TNN: variants seen among roughly 807,000 people sequenced by gnomAD.
TNN encodes tenascin-N.
A neutral mutation model predicts 134.4 loss-of-function variants in TNN; 122 were observed. That is an observed-to-expected ratio of 0.91 (90% CI 0.78 to 1.06). TNN has a LOEUF of 1.06. TNN is among the 50% of genes least tolerant of loss of function. TNN has a pLI of 0.00. For missense variants in TNN, 1,739 were observed against 1,699.4 expected, an observed-to-expected ratio of 1.02 and a Z score of -0.41; for synonymous variants, 710 against 670.3, an observed-to-expected ratio of 1.06 and a Z score of -0.91.
intron 17 of TNN, among the ~76,000 whole-genome samples, chr1:175,139,146 C>T (rs1675888418): frequency 6.6e-6 from 1 of 152,226 alleles, no homozygotes; most frequent in African/African-American, 2.4e-5. Context: ...TTTAGGCACA[C>T]TGCCCTTCGG....
rs937283282 is a variant in TNN at position 175,106,042 on chromosome 1, C to A, written c.2119+7447C>A. Among the ~76,000 whole-genome samples the A allele has an allele frequency of 1.4e-5, 2 of 145,604 alleles. 1 individual carries two copies. Reference sequence around the variant, plus strand: ...GACCACATGGAGGACCGAGGAAGGTCGGATTTAGTGGTCCTTACTGACGCA... The same window carrying A: ...GACCACATGGAGGACCGAGGAAGGTAGGATTTAGTGGTCCTTACTGACGCA... On this transcript the variant is annotated intron_variant, in intron 9 of 18. Coordinates refer to ENST00000239462, the MANE Select transcript of TNN (RefSeq NM_022093.2).
intron 12 of TNN, among the ~76,000 whole-genome samples, chr1:175,125,703 C>CTT (rs66718246): frequency 0.052 from 3,459 of 66,330 alleles, 96 homozygotes; most frequent in Non-Finnish European, 0.067. Context: ...TCTTTTTTCT[C>CTT]TCTTTCTTTC....
At chr1:175,130,224 A>C (rs920707511) in intron 15 of TNN, among the ~76,000 whole-genome samples, 1 of 152,214 alleles carries the variant, frequency 6.6e-6, no homozygotes, top group African/African-American at 2.4e-5. Context: ...CTCAAACCTT[A>C]TTCATTTACA....
At chr1:175,142,470 C>CAAAG (rs35440177) in intron 17 of TNN, among the ~76,000 whole-genome samples, 1 of 151,944 alleles carries the variant, frequency 6.6e-6, no homozygotes, top group African/African-American at 2.4e-5. Flanking sequence ...CCCTAAAAAA[C>CAAAG]AAGTGAAGTT....
chr1:175,145,039 G>C (rs1676030165), intron 18 of TNN, among the ~76,000 whole-genome samples: 1 of 152,034 alleles, frequency 6.6e-6, no homozygotes, highest in African/African-American at 2.4e-5. Flanking sequence ...GGACAGAAAG[G>C]AGCTCTGATC....
intron 9 of TNN, among the ~76,000 whole-genome samples, chr1:175,111,946 A>G (rs1407639118): frequency 6.6e-6 from 1 of 152,042 alleles, no homozygotes; most frequent in African/African-American, 2.4e-5. Flanking sequence ...AACAGGGACA[A>G]TTTGGCTTCC....
At chr1:175,141,620 G>A (rs887290721) in intron 17 of TNN, among the ~76,000 whole-genome samples, 5 of 152,220 alleles carry the variant, frequency 3.3e-5, no homozygotes, top group African/African-American at 1.2e-4. Flanking sequence ...GTGTCTGTGT[G>A]TGACTGACAG....
intron 11 of TNN, among the ~76,000 whole-genome samples, chr1:175,119,720 C>T (rs2097560): frequency 0.13 from 20,058 of 150,268 alleles, 1,610 homozygotes; most frequent in East Asian, 0.34. Flanking sequence ...CTGCAAGCTC[C>T]GCCTCCCGGG....
chr1:175,073,763 T>G (rs1673972718), intron 1 of TNN, among the ~76,000 whole-genome samples: 1 of 152,234 alleles, frequency 6.6e-6, no homozygotes, highest in African/African-American at 2.4e-5. Context: ...CTCTGTTGGA[T>G]GCCCTTGTTA....
At chr1:175,123,350 A>C (rs781424900) in intron 11 of TNN, 50 bp from the exon 12 acceptor site, 1 of 1,595,068 alleles carries the variant, frequency 6.3e-7, no homozygotes, top group South Asian at 1.1e-5. Context: ...GTAAGATGCG[A>C]TGTCTTCCTT....
intron 15 of TNN, among the ~76,000 whole-genome samples, chr1:175,131,051 G>T (rs933369065): frequency 5.9e-5 from 9 of 152,074 alleles, no homozygotes; most frequent in Non-Finnish European, 1.2e-4. Flanking sequence ...TTTTTGGGGG[G>T]GTTCAAGAGT....
Position 175,085,450 on chromosome 1 carries a change from G to A in TNN, c.1280G>A (p.Arg427Lys), listed in dbSNP as rs777740962. 2 of 1,613,104 alleles carry A rather than the reference G, an allele frequency of 1.2e-6. No individual in the cohort carries two copies. Among genetic ancestry groups the A allele is most frequent in the African/African-American group, 2.7e-5 (2 of 74,874 alleles). ...TATAAGATCACGGTGGTGCCCATGA[G>A]AGGAGAGCTGGAGGGCAAGCCGATC... is the stretch of plus-strand genomic sequence containing the variant. ...TEYKITVVPM[R>K]GELEGKPILL... Residue 427 changes from arginine to lysine, a missense_variant, in exon 6 of 19, where the codon AGA becomes AAA. Physicochemically the swap from Arg to Lys is conservative, Grantham distance 26. Transcript: ENST00000239462.
intron 9 of TNN, among the ~76,000 whole-genome samples, chr1:175,112,928 A>G (rs553041162): frequency 6.6e-6 from 1 of 152,194 alleles, no homozygotes; most frequent in African/African-American, 2.4e-5. Flanking sequence ...GGCCTCAGCA[A>G]GTCTATCTTT....
intron 18 of TNN, among the ~76,000 whole-genome samples, chr1:175,145,769 C>G (rs144072725): frequency 6.6e-6 from 1 of 151,958 alleles, no homozygotes; most frequent in Non-Finnish European, 1.5e-5. Flanking sequence ...CTGTCCCACC[C>G]GCTATTTCTC....
At chr1:175,069,807 G>T (rs1183192542) in intron 1 of TNN, among the ~76,000 whole-genome samples, 2 of 152,234 alleles carry the variant, frequency 1.3e-5, no homozygotes, top group Non-Finnish European at 2.9e-5. Context: ...TCTGTACCCA[G>T]CGAGTGTGAG....
intron 12 of TNN, among the ~76,000 whole-genome samples, chr1:175,125,749 CTTTCTT>C (rs1558369439): frequency 1.5e-3 from 198 of 134,186 alleles, no homozygotes; most frequent in Non-Finnish European, 1.8e-3. Flanking sequence ...TTCTTTCTTT[CTTTCTT>C]TCTCTCTCTC....
chr1:175,144,497 A>G lies in TNN; in HGVS notation c.3706A>G (p.Asn1236Asp). ...LTHHGGWWYKNCHLANPNGRY... is the reference protein window; with the variant it reads ...LTHHGGWWYKDCHLANPNGRY... ...ACATCATGGTGGCTGGTGGTATAAG[A>G]ACTGCCACTTGGCCAACCCTAATGG... is the stretch of plus-strand genomic sequence containing the variant. Residue 1236 changes from asparagine to aspartate, a missense_variant, in exon 18 of 19, where the codon AAC becomes GAC. Asn to Asp is a conservative substitution (Grantham distance 23). Transcript: ENST00000239462. The G allele has an allele frequency of 6.2e-7, 1 of 1,614,246 alleles. No individual in the cohort carries two copies. Among genetic ancestry groups the G allele is most frequent in the Non-Finnish European group, 8.5e-7 (1 of 1,180,044 alleles).
chr1:175,085,479 C>T lies in TNN; in HGVS notation c.1309C>T (p.Leu437=). The stretch of plus-strand genomic sequence containing the variant: ...AGAGCTGGAGGGCAAGCCGATCCTC[C>T]TGAATGGCAGGACAGGTGAGAGCTA... ...RGELEGKPIL[L]NGRTEIDSPT... The change falls in exon 6 of 19, where the codon CTG becomes TTG. Residue 437 remains leucine, a synonymous_variant. Coordinates refer to ENST00000239462, the MANE Select transcript of TNN (RefSeq NM_022093.2). 1 of 1,611,740 alleles carries T rather than the reference C, an allele frequency of 6.2e-7. No individual in the cohort carries two copies.
intron 9 of TNN, among the ~76,000 whole-genome samples, chr1:175,104,913 T>C (rs1674812125): frequency 1.4e-5 from 2 of 145,782 alleles, no homozygotes; most frequent in Non-Finnish European, 3.0e-5. Context: ...ATGGGCTTTT[T>C]CCCAATTCTC....
Sources: gnomAD v4.1 joint callset for allele counts (sites outside exome capture counted in the v4.1 genomes callset) on GRCh38, gnomAD v4.1.1 for gene constraint, MANE v1.5 for transcripts, NCBI Gene and HGNC (gene_info 2026-07-23, HGNC 2026-07-21) for gene names.